NPAS3: variants seen among roughly 807,000 people sequenced by gnomAD.
NPAS3 encodes the protein neuronal PAS domain-containing protein 3.
A neutral mutation model predicts 73.1 loss-of-function variants in NPAS3; 14 were observed. The ratio of observed to expected loss-of-function variants is 0.19; its 90% CI spans 0.13 to 0.30. The LOEUF is 0.30. NPAS3 is among the 10% of genes least tolerant of loss of function. The pLI, the probability that NPAS3 is intolerant of heterozygous loss-of-function variation, is 1.00. For missense variants in NPAS3, 1,096 were observed against 1,250.0 expected (o/e 0.88, Z 1.86); for synonymous variants, 620 against 541.5 (o/e 1.14, Z -2.01).
At chr14:33,792,928 A>G (rs991316699) in intron 9 of NPAS3, among the ~76,000 whole-genome samples, 16 of 152,240 alleles carry the variant, frequency 1.1e-4, no homozygotes, top group Admixed American at 1.3e-4. Flanking sequence ...CAGCCAAGTA[A>G]TAACAGCAGG....
At chr14:33,345,717 C>G (rs2044696566) in intron 3 of NPAS3, among the ~76,000 whole-genome samples, 1 of 152,142 alleles carries the variant, frequency 6.6e-6, no homozygotes, top group African/African-American at 2.4e-5. Flanking sequence ...GTGTAACTAG[C>G]CTAAGGATAA....
intron 2 of NPAS3, among the ~76,000 whole-genome samples, chr14:33,088,549 A>G (rs2042113077): frequency 6.6e-6 from 1 of 152,214 alleles, no homozygotes. Flanking sequence ...GGAAACTCGA[A>G]CTGGGTGGAG....
intron 4 of NPAS3, among the ~76,000 whole-genome samples, chr14:33,552,638 G>A (rs2055171699): frequency 6.6e-6 from 1 of 151,316 alleles, no homozygotes; most frequent in African/African-American, 2.4e-5. Context: ...AGGATGTAAG[G>A]TAAACAGTTG....
chr14:33,251,223 C>T lies in NPAS3; in HGVS notation c.385+35797C>T, dbSNP rs1294641377. Among the ~76,000 whole-genome samples the T allele has an allele frequency of 2.6e-5, 4 of 152,086 alleles. No homozygotes were observed. In the South Asian group the frequency reaches 6.2e-4, roughly 24 times the overall value. ...TACTCAGTGTGATTCTTTTCCTAGC[C>T]GTTTTCCTTTTTCTTTTCTTATACA... On this transcript the variant is annotated intron_variant, in intron 3 of 11. Transcript: ENST00000356141.
chr14:33,801,149 G>GATCTACACT, downstream of NPAS3: 9 of 1,541,514 alleles, frequency 5.8e-6, no homozygotes, highest in Admixed American at 6.3e-5. Context: ...CCCGCTTGGA[G>GATCTACACT]GAGGCATCGT....
chr14:33,031,831 C>T (rs2040006642), intron 1 of NPAS3, among the ~76,000 whole-genome samples: 2 of 152,206 alleles, frequency 1.3e-5, no homozygotes, highest in Admixed American at 6.5e-5. Flanking sequence ...ACATCTATTG[C>T]ATGCTCCAGA....
chr14:33,266,307 G>C (rs958711666), intron 3 of NPAS3, among the ~76,000 whole-genome samples: 1 of 152,082 alleles, frequency 6.6e-6, no homozygotes. Context: ...CAACAGCTTT[G>C]AATACCTGAG....
intron 4 of NPAS3, among the ~76,000 whole-genome samples, chr14:33,508,403 G>T (rs1317869623): frequency 6.6e-6 from 1 of 151,994 alleles, no homozygotes; most frequent in East Asian, 1.9e-4. Flanking sequence ...GGGCTTAGGG[G>T]GATACTAAGT....
intron 1 of NPAS3, among the ~76,000 whole-genome samples, chr14:32,970,513 A>G (rs540428934): frequency 6.6e-6 from 1 of 152,358 alleles, no homozygotes; most frequent in South Asian, 2.1e-4. Flanking sequence ...ATTATTAAAA[A>G]TAATTACCCT....
intron 4 of NPAS3, among the ~76,000 whole-genome samples, chr14:33,453,982 G>A (rs1230391387): frequency 6.6e-6 from 1 of 152,176 alleles, no homozygotes; most frequent in East Asian, 1.9e-4. Context: ...GAGCCACCAT[G>A]ACCAGCCCTT....
chr14:33,103,749 G>A (rs1595455271), intron 2 of NPAS3, among the ~76,000 whole-genome samples: 1 of 152,286 alleles, frequency 6.6e-6, no homozygotes, highest in Non-Finnish European at 1.5e-5. Flanking sequence ...TAAAGCATAT[G>A]TGTGCAGAAG....
chr14:33,184,570 C>T (rs948888065), intron 2 of NPAS3, among the ~76,000 whole-genome samples: 47 of 152,108 alleles, frequency 3.1e-4, no homozygotes, highest in Admixed American at 2.7e-3. Flanking sequence ...AGAGCGGGGC[C>T]AGTGAAATGG....
At chr14:33,351,017 C>G (rs868042964) in intron 3 of NPAS3, among the ~76,000 whole-genome samples, 5 of 152,152 alleles carry the variant, frequency 3.3e-5, no homozygotes, top group African/African-American at 1.2e-4. Flanking sequence ...ATTCATGAAC[C>G]TTATTCCCCC....
chr14:33,721,061 ATTG>A (rs1192371363), intron 6 of NPAS3, among the ~76,000 whole-genome samples: 2 of 152,290 alleles, frequency 1.3e-5, no homozygotes, highest in Non-Finnish European at 2.9e-5. Flanking sequence ...AGGAATTTCT[ATTG>A]TTATTTTTAT....
At chr14:33,723,690 G>A (rs1012566419) in intron 6 of NPAS3, among the ~76,000 whole-genome samples, 21 of 146,920 alleles carry the variant, frequency 1.4e-4, no homozygotes, top group Non-Finnish European at 2.7e-4. Flanking sequence ...ATTTCCCTAG[G>A]ATCTTTGCTT....
intron 2 of NPAS3, among the ~76,000 whole-genome samples, chr14:33,128,451 A>C (rs2043514306): frequency 1.3e-5 from 2 of 152,168 alleles, no homozygotes; most frequent in Admixed American, 1.3e-4. Flanking sequence ...GTTATGAATG[A>C]GTTAGAAGCA....
chr14:33,444,690 C>T (rs1447369210), intron 4 of NPAS3, among the ~76,000 whole-genome samples: 1 of 152,222 alleles, frequency 6.6e-6, no homozygotes, highest in East Asian at 1.9e-4. Context: ...TCCTCCAACC[C>T]TGAGATCACA....
chr14:33,560,396 C>T, intron 5 of NPAS3, 186 bp downstream of exon 5: 1 of 457,948 alleles, frequency 2.2e-6, no homozygotes, highest in East Asian at 3.3e-5. Context: ...TCAGAATAAA[C>T]TTGTGCTCAA....
chr14:33,720,802 G>C (rs1283389474), intron 6 of NPAS3, among the ~76,000 whole-genome samples: 1 of 152,064 alleles, frequency 6.6e-6, no homozygotes, highest in Non-Finnish European at 1.5e-5. Context: ...CTTTGTCTCA[G>C]GCTGATTCTG....
Sources: gnomAD v4.1 joint callset for allele counts (sites outside exome capture counted in the v4.1 genomes callset) on GRCh38, gnomAD v4.1.1 for gene constraint, MANE v1.5 for transcripts, NCBI Gene and HGNC (gene_info 2026-07-23, HGNC 2026-07-21) for gene names.